The following SLC47A2 variants were observed in gnomAD, a reference collection of about 807,000 sequenced individuals.
The protein encoded by SLC47A2 is solute carrier family 47 member 2.
Under a neutral mutation model 67.7 loss-of-function variants are expected in SLC47A2, and 52 were observed. That is an observed-to-expected ratio of 0.77 (90% CI 0.61 to 0.97). SLC47A2 has a LOEUF of 0.97. Ranked by LOEUF, SLC47A2 falls within the 50% of genes least tolerant of loss-of-function variation. The pLI, the probability that SLC47A2 is intolerant of heterozygous loss-of-function variation, is 0.00. For synonymous variants in SLC47A2, 278 were observed against 292.9 expected (o/e 0.95, Z 0.52); for missense variants, 676 against 712.3 (o/e 0.95, Z 0.58).
At chr17:19,703,636 G>GTGGC (rs2085848006) in intron 11 of SLC47A2, among the ~76,000 whole-genome samples, 1 of 152,254 alleles carries the variant, frequency 6.6e-6, no homozygotes, top group African/African-American at 2.4e-5. Flanking sequence ...GAGGACATGA[G>GTGGC]TGGCTCCTTC....
At chr17:19,684,317 G>A (rs866777139) in intron 13 of SLC47A2, among the ~76,000 whole-genome samples, 7 of 152,060 alleles carry the variant, frequency 4.6e-5, no homozygotes, top group Non-Finnish European at 7.3e-5. Context: ...GAAATTAAAT[G>A]CACTTCTAAA....
chr17:19,712,833 C>T (rs2086138630), intron 4 of SLC47A2, 88 bp from the exon 5 acceptor site: 2 of 1,291,428 alleles, frequency 1.5e-6, no homozygotes, highest in South Asian at 2.5e-5. Flanking sequence ...GGACTGGGTG[C>T]TCGGCCGCTG....
chr17:19,708,756 A>G lies in SLC47A2; in HGVS notation c.491T>C (p.Ile164Thr), dbSNP rs1210032909. The change falls in exon 6 of 17, where the codon ATT becomes ACT. Residue 164 changes from isoleucine to threonine, a missense_variant. Ile to Thr is a moderately conservative substitution (Grantham distance 89, BLOSUM62 -1). Coordinates refer to ENST00000433844, the MANE Select transcript of SLC47A2 (RefSeq NM_001099646.3). The stretch of plus-strand genomic sequence containing the variant: ...TTTTGCCAGCAGATTGTAAAGAAAA[A>G]TCACCTGTATGAAAAGCAAACCCAA... The part of the protein sequence containing the change: ...VMIFIPGLPV[I>T]FLYNLLAKYL... 2 of 1,614,014 alleles carry G rather than the reference A, an allele frequency of 1.2e-6. No individual in the cohort carries two copies. Among genetic ancestry groups the G allele is most frequent in the Middle Eastern group, 1.6e-4 (1 of 6,062 alleles).
At chr17:19,703,252 T>A in intron 11 of SLC47A2, 85 bp from the exon 12 acceptor site, 1 of 1,242,748 alleles carries the variant, frequency 8.0e-7, no homozygotes, top group Non-Finnish European at 1.2e-6. Context: ...GGCCCCTATG[T>A]CAGTGCAAGT....
At chr17:19,702,179 A>C in intron 13 of SLC47A2, 2 of 985,092 alleles carry the variant, frequency 2.0e-6, no homozygotes, top group Non-Finnish European at 2.4e-6. Flanking sequence ...TCAAAGGAGC[A>C]GAAAGTCCAG....
chr17:19,689,706 A>G lies in SLC47A2; in HGVS notation c.1165-8036T>C, dbSNP rs577584218. 1.1e-3 allele frequency among the ~76,000 whole-genome samples: 160 copies of G among 152,208 alleles called. 1 individual carries two copies. The highest frequency in any genetic ancestry group is 0.01 in the Middle Eastern group (3 of 294). ...AGTGAGACCTTGTCTCAAAAAAAAA[A>G]AAAAAGAAAAAGAAATGAATGATCC... On this transcript the variant is annotated intron_variant, in intron 13 of 16. Transcript: ENST00000433844.
chr17:19,698,793 A>G (rs1051401206), intron 13 of SLC47A2, among the ~76,000 whole-genome samples: 1 of 152,188 alleles, frequency 6.6e-6, no homozygotes, highest in African/African-American at 2.4e-5. Context: ...CTCCATACCC[A>G]CAGCTTCTGC....
upstream of SLC47A2, chr17:19,716,734 T>TCCCTC: frequency 3.2e-6 from 3 of 932,438 alleles, no homozygotes; most frequent in South Asian, 4.0e-5. Flanking sequence ...GGGCACTGAG[T>TCCCTC]CCCTGCTGCC....
chr17:19,680,111 TTC>T (rs1255874029), intron 15 of SLC47A2, 72 bp from the exon 16 acceptor site: 5 of 1,441,156 alleles, frequency 3.5e-6, no homozygotes, highest in South Asian at 1.2e-5. Flanking sequence ...TAGCCTCGCA[TTC>T]TCTGTTTTTA....
At chr17:19,702,771 T>C in intron 12 of SLC47A2, 97 bp from the exon 13 acceptor site, 1 of 1,372,618 alleles carries the variant, frequency 7.3e-7, no homozygotes, top group South Asian at 1.2e-5. Context: ...AAGAAAAAGC[T>C]TTGGAATAGA....
chr17:19,687,330 A>G (rs570189223), intron 13 of SLC47A2, among the ~76,000 whole-genome samples: 1 of 152,294 alleles, frequency 6.6e-6, no homozygotes, highest in Admixed American at 6.5e-5. Flanking sequence ...CTACGTCAAA[A>G]AGTGGAAAAA....
rs947496493 is a variant in SLC47A2, at chr17:19,705,312, G to A, written c.909+124C>T. On this transcript the variant is annotated intron_variant, in intron 10 of 16. Coordinates refer to ENST00000433844, the MANE Select transcript of SLC47A2 (RefSeq NM_001099646.3). ...AGCAGGGTCTGGACCTGGTGGGCAC[G>A]AGAGGCCCGGGGAGGGTCCTTCGGG... The A allele has an allele frequency of 4.0e-5, 41 of 1,031,710 alleles. No individual in the cohort carries two copies. The East Asian group carries it at 6.8e-4, about 17-fold the overall frequency. 63.9% of individuals were successfully genotyped at this position (1,031,710 alleles called of 1,614,324 possible).
intron 4 of SLC47A2, among the ~76,000 whole-genome samples, chr17:19,712,977 G>A (rs1281484882): frequency 6.6e-6 from 1 of 152,066 alleles, no homozygotes; most frequent in African/African-American, 2.4e-5. Flanking sequence ...TAAATTCAGA[G>A]TAACGTGGTT....
intron 3 of SLC47A2, chr17:19,714,481 A>G (rs1190197008): frequency 5.1e-6 from 3 of 586,146 alleles, no homozygotes; most frequent in African/African-American, 3.7e-5. Flanking sequence ...TGGGGGCAAG[A>G]GATCAGAGAA....
rs750816014 is a variant in SLC47A2, at chr17:19,708,454, G to A, written c.532-55C>T. ...GGTGTGAGTGAGATGGATGGAGGAT[G>A]GACAAACCCGGGGTTTGGAATGGGG... On this transcript the variant is annotated intron_variant, in intron 6 of 16. Coordinates refer to ENST00000433844, the MANE Select transcript of SLC47A2 (RefSeq NM_001099646.3). 8 of 1,614,010 alleles carry A rather than the reference G, an allele frequency of 5.0e-6. No homozygotes were observed. In the East Asian group the frequency reaches 1.6e-4, roughly 31 times the overall value.
At chr17:19,681,869 G>A (rs2085323323) in intron 13 of SLC47A2, among the ~76,000 whole-genome samples, 199 bp from the exon 14 acceptor site, 1 of 152,152 alleles carries the variant, frequency 6.6e-6, no homozygotes, top group African/African-American at 2.4e-5. Flanking sequence ...ATGTTACACA[G>A]AAGTAACTGT....
chr17:19,713,932 C>A lies in SLC47A2; in HGVS notation c.336G>T (p.Leu112=). 2 of 1,613,560 alleles carry A rather than the reference C, an allele frequency of 1.2e-6. No homozygotes were observed. The highest frequency in any genetic ancestry group is 1.7e-6 in the Non-Finnish European group (2 of 1,179,720). The change falls in exon 4 of 17, where the codon CTG becomes CTT. Residue 112 remains leucine, a synonymous_variant. Coordinates refer to ENST00000433844, the MANE Select transcript of SLC47A2 (RefSeq NM_001099646.3). ...GGAGCAGGACCAGCGCGCCCCGCTG[C>A]AGGATCACGCCCACGTGCTTCTTGT... ...SPNKKHVGVI[L]QRGALVLLLC...
Position 19,704,192 on chromosome 17 carries a change from TAAG to T in SLC47A2, c.910-17_910-15del, listed in dbSNP as rs777424586. 77 of 1,596,612 alleles carry T rather than the reference TAAG, an allele frequency of 4.8e-5. No individual in the cohort carries two copies. Among genetic ancestry groups the T allele is most frequent in the Admixed American group, 2.6e-4 (15 of 57,388 alleles). On this transcript the variant is annotated splice_polypyrimidine_tract_variant and intron_variant, in intron 10 of 16. Transcript: ENST00000433844. Reference sequence around the variant, plus strand: ...CCCCAAGGGAATCTGGGATCAAAGATAAGAAAGCACTGTCAGTGGGCCCACCCT... The same window carrying T: ...CCCCAAGGGAATCTGGGATCAAAGATAAAGCACTGTCAGTGGGCCCACCCT...
At chr17:19,680,244 G>A (rs920058124) in intron 15 of SLC47A2, among the ~76,000 whole-genome samples, 2 of 152,060 alleles carry the variant, frequency 1.3e-5, no homozygotes, top group African/African-American at 2.4e-5. Flanking sequence ...TTGGGAGGCC[G>A]AGGCGGGTGG....
Sources: gnomAD v4.1 joint callset for allele counts (sites outside exome capture counted in the v4.1 genomes callset) on GRCh38, gnomAD v4.1.1 for gene constraint, MANE v1.5 for transcripts, NCBI Gene and HGNC (gene_info 2026-07-23, HGNC 2026-07-21) for gene names.